Variants in ZMYM2 observed in about 807,000 individuals in gnomAD.
ZMYM2 encodes the protein zinc finger MYM-type protein 2.
Under a neutral mutation model 162.8 loss-of-function variants are expected in ZMYM2, and 56 were observed. The observed-to-expected ratio is 0.34, with a 90% CI of 0.28 to 0.43. ZMYM2 has a LOEUF of 0.43. Ranked by LOEUF, ZMYM2 falls within the 20% of genes least tolerant of loss-of-function variation. ZMYM2 has a pLI of 1.00. For missense variants in ZMYM2, 1,275 were observed against 1,621.8 expected (o/e 0.79, Z 3.67); for synonymous variants, 510 against 541.6 (o/e 0.94, Z 0.81).
At chr13:19,981,604 G>A (rs887691905) in intron 2 of ZMYM2, among the ~76,000 whole-genome samples, 6 of 152,150 alleles carry the variant, frequency 3.9e-5, no homozygotes, top group African/African-American at 1.4e-4. Flanking sequence ...TTAAGTTTCT[G>A]CACTCATATT....
intron 12 of ZMYM2, among the ~76,000 whole-genome samples, chr13:20,037,318 C>T (rs956783110): frequency 6.8e-6 from 1 of 147,250 alleles, no homozygotes; most frequent in African/African-American, 2.6e-5. Flanking sequence ...CAGGTTCAGG[C>T]AATTCTTGTG....
chr13:20,040,483 T>C (rs1047372216), intron 12 of ZMYM2, among the ~76,000 whole-genome samples: 2 of 152,158 alleles, frequency 1.3e-5, no homozygotes, highest in African/African-American at 4.8e-5. Context: ...TTCTCTCTTT[T>C]CTTTATTAGT....
At chr13:19,912,337 T>C in the ZMYM2 span, among the ~76,000 whole-genome samples, 11 of 148,056 alleles carry the variant, frequency 7.4e-5, no homozygotes, top group Non-Finnish European at 1.3e-4. Context: ...GTTTTTTTTG[T>C]TTTTTGTTTT....
intron 2 of ZMYM2, among the ~76,000 whole-genome samples, chr13:19,960,740 G>A (rs1955118459): frequency 6.6e-6 from 1 of 152,216 alleles, no homozygotes; most frequent in Non-Finnish European, 1.5e-5. Context: ...TAATGTGCTA[G>A]AGAGGAAGAT....
chr13:19,977,599 T>G, intron 2 of ZMYM2, among the ~76,000 whole-genome samples: 1 of 144,054 alleles, frequency 6.9e-6, no homozygotes, highest in African/African-American at 2.6e-5. Context: ...TTCACGCCAT[T>G]CTCCTGCCTC....
chr13:19,873,781 G>A, the ZMYM2 span, among the ~76,000 whole-genome samples: 5 of 152,140 alleles, frequency 3.3e-5, no homozygotes, highest in Admixed American at 6.6e-5. Context: ...CGTCAGAGGC[G>A]TCTTCCTGTC....
chr13:19,976,898 T>C (rs1302854221), intron 2 of ZMYM2, among the ~76,000 whole-genome samples: 3 of 152,214 alleles, frequency 2.0e-5, no homozygotes, highest in Non-Finnish European at 4.4e-5. Context: ...TCATAGAGTT[T>C]TGTGTCTATC....
chr13:19,892,044 C>T, the ZMYM2 span, among the ~76,000 whole-genome samples: 3 of 151,540 alleles, frequency 2.0e-5, no homozygotes, highest in Non-Finnish European at 4.4e-5. Flanking sequence ...CAGGCTCAAG[C>T]ATCCTCCCAC....
At chr13:19,945,315 G>A in the ZMYM2 span, among the ~76,000 whole-genome samples, 8 of 152,030 alleles carry the variant, frequency 5.3e-5, no homozygotes, top group Non-Finnish European at 1.0e-4. Context: ...GCAGTGTCAC[G>A]ATCTCGGCTC....
Position 20,061,310 on chromosome 13 carries a change from A to G in ZMYM2, c.2911+86A>G. The G allele has an allele frequency of 3.5e-6, 5 of 1,435,822 alleles. No individual in the cohort carries two copies. The South Asian group carries it at 7.3e-5, about 21-fold the overall frequency. The allele number at this position is 1,435,822 out of a possible 1,614,324, so 88.9% of individuals were successfully genotyped here. A position where few individuals can be genotyped will look rare whatever the true frequency, so the allele number is the denominator to read the frequency against. ...GTTACAGTACTTTCCAGGGCATATC[A>G]TTTTGTTTCAACTTATGTGGGGGTG... On this transcript the variant is annotated intron_variant, in intron 17 of 24. Coordinates refer to ENST00000610343, the MANE Select transcript of ZMYM2 (RefSeq NM_197968.4).
At chr13:19,914,326 T>C in the ZMYM2 span, among the ~76,000 whole-genome samples, 9 of 152,256 alleles carry the variant, frequency 5.9e-5, no homozygotes, top group Non-Finnish European at 8.8e-5. Context: ...AGTTTGCTTC[T>C]TTCTCAAGCT....
intron 9 of ZMYM2, chr13:20,028,030 G>C (rs1459594512): frequency 5.6e-6 from 1 of 179,452 alleles, no homozygotes; most frequent in Non-Finnish European, 1.2e-5. Flanking sequence ...CATGCTTCAT[G>C]AGTTAATTCA....
the ZMYM2 span, among the ~76,000 whole-genome samples, chr13:19,902,118 C>T: frequency 1.4e-4 from 21 of 152,100 alleles, no homozygotes; most frequent in South Asian, 4.2e-4. Context: ...ATATGCTAAG[C>T]GAAAGAAGCC....
At chr13:20,007,417 G>A (rs1322226316) in intron 6 of ZMYM2, among the ~76,000 whole-genome samples, 7 of 151,742 alleles carry the variant, frequency 4.6e-5, no homozygotes, top group Non-Finnish European at 1.0e-4. Flanking sequence ...GATTACAGGC[G>A]TGAACCACTG....
At chr13:20,074,165 T>G (rs1302628686) in intron 21 of ZMYM2, among the ~76,000 whole-genome samples, 1 of 151,796 alleles carries the variant, frequency 6.6e-6, no homozygotes, top group Admixed American at 6.6e-5. Context: ...ATACTCAAGG[T>G]TCATCTGTGT....
the ZMYM2 span, among the ~76,000 whole-genome samples, chr13:19,898,523 G>A: frequency 1.2e-4 from 18 of 152,000 alleles, no homozygotes; most frequent in Non-Finnish European, 2.4e-4. Context: ...GTGAGCCACC[G>A]CACCCAGCCA....
rs1376119259 is a variant in ZMYM2 at position 20,067,276 on chromosome 13, C to G, written c.3339C>G (p.His1113Gln). 1 of 1,583,358 alleles carries G rather than the reference C, an allele frequency of 6.3e-7. No homozygotes were observed. The highest frequency in any genetic ancestry group is 8.6e-7 in the Non-Finnish European group (1 of 1,163,524). ...AGTTAAAAGAGGATCTACTCTCTCA[C>G]ACCACAGCTGAGCTTAACTATGGGT... is the stretch of plus-strand genomic sequence containing the variant. ...SVKLKEDLLS[H>Q]TTAELNYGLA... Residue 1113 changes from histidine (H) to glutamine (Q), a missense_variant, in exon 21 of 25, where the codon CAC (histidine) becomes CAG (glutamine). Coordinates refer to ENST00000610343, the MANE Select transcript of ZMYM2 (RefSeq NM_197968.4).
chr13:19,870,652 T>A, the ZMYM2 span, among the ~76,000 whole-genome samples: 1 of 151,516 alleles, frequency 6.6e-6, no homozygotes, highest in African/African-American at 2.4e-5. Context: ...TTGCCCAGGC[T>A]GGTGTGCAGT....
chr13:20,065,709 G>A (rs1466265143), intron 19 of ZMYM2, among the ~76,000 whole-genome samples: 1 of 152,066 alleles, frequency 6.6e-6, no homozygotes, highest in African/African-American at 2.4e-5. Context: ...GAGGAGGATC[G>A]AGGCTGCAGT....
Sources: gnomAD v4.1 joint callset for allele counts (sites outside exome capture counted in the v4.1 genomes callset) on GRCh38, gnomAD v4.1.1 for gene constraint, MANE v1.5 for transcripts, NCBI Gene and HGNC (gene_info 2026-07-23, HGNC 2026-07-21) for gene names.